CSMD2: variants seen among roughly 807,000 people sequenced by gnomAD.
CSMD2 encodes CUB and sushi domain-containing protein 2.
Under a neutral mutation model 398.5 loss-of-function variants are expected in CSMD2, and 130 were observed. The ratio of observed to expected loss-of-function variants is 0.33; its 90% CI spans 0.28 to 0.38. CSMD2 has a LOEUF of 0.38. CSMD2 is among the 10% of genes least tolerant of loss of function. The pLI, the probability that CSMD2 is intolerant of heterozygous loss-of-function variation, is 1.00. For missense variants in CSMD2, 3,829 were observed against 4,764.9 expected, an observed-to-expected ratio of 0.80 and a Z score of 5.78; for synonymous variants, 1,828 against 1,908.5, an observed-to-expected ratio of 0.96 and a Z score of 1.10.
intron 5 of CSMD2, among the ~76,000 whole-genome samples, chr1:33,861,539 A>T (rs1300045286): frequency 6.6e-6 from 1 of 152,182 alleles, no homozygotes; most frequent in Non-Finnish European, 1.5e-5. Flanking sequence ...CCTTGCAGGC[A>T]TGCTTGCTCT....
intron 64 of CSMD2, among the ~76,000 whole-genome samples, chr1:33,529,912 A>G (rs557511365): frequency 6.6e-6 from 1 of 152,362 alleles, no homozygotes; most frequent in African/African-American, 2.4e-5. Flanking sequence ...ATAGAGAAAG[A>G]ACACTTTCAA....
chr1:34,052,330 G>T (rs1653280953), intron 2 of CSMD2, among the ~76,000 whole-genome samples: 1 of 152,002 alleles, frequency 6.6e-6, no homozygotes, highest in Non-Finnish European at 1.5e-5. Context: ...CATAGTGTTT[G>T]CACTGTGTTA....
chr1:33,888,756 T>TTTTTTTTGTTGTTGTTGTTGTTG (rs1553244524), intron 5 of CSMD2, among the ~76,000 whole-genome samples: 1 of 148,822 alleles, frequency 6.7e-6, no homozygotes, highest in African/African-American at 2.5e-5. Context: ...TCAACTGATT[T>TTTTTTTTGTTGTTGTTGTTGTTG]TTGTTGTTGT....
At chr1:34,165,833 C>G, upstream of CSMD2, 1 of 1,609,370 alleles carries the variant, frequency 6.2e-7, no homozygotes, top group South Asian at 1.1e-5. Context: ...CCTCCTACCC[C>G]ATCCCAGGAG....
chr1:34,004,563 T>C (rs993730302), intron 3 of CSMD2, among the ~76,000 whole-genome samples: 1 of 152,174 alleles, frequency 6.6e-6, no homozygotes, highest in African/African-American at 2.4e-5. Context: ...GTGTCGTCAA[T>C]TTAATTAGGG....
At chr1:33,585,881 T>C (rs1355940992) in intron 46 of CSMD2, among the ~76,000 whole-genome samples, 1 of 152,264 alleles carries the variant, frequency 6.6e-6, no homozygotes, top group Non-Finnish European at 1.5e-5. Context: ...AACTGGTTTA[T>C]GTTATTAACC....
chr1:34,131,326 C>A (rs539844117), intron 1 of CSMD2, among the ~76,000 whole-genome samples: 1 of 152,206 alleles, frequency 6.6e-6, no homozygotes, highest in East Asian at 1.9e-4. Flanking sequence ...GTTCTGTCTG[C>A]TCTATTGGGA....
intron 1 of CSMD2, among the ~76,000 whole-genome samples, chr1:34,123,392 T>G (rs1662397097): frequency 6.6e-6 from 1 of 152,120 alleles, no homozygotes; most frequent in Non-Finnish European, 1.5e-5. Context: ...CCCCTCCCCC[T>G]ACACCTTGCC....
chr1:33,626,427 C>G, intron 33 of CSMD2, 59 bp downstream of exon 33: 1 of 1,256,540 alleles, frequency 8.0e-7, no homozygotes, highest in Non-Finnish European at 1.1e-6. Flanking sequence ...TCCCTTCGAT[C>G]ACGAGTCCCT....
At chr1:33,631,155 G>A (rs651972) in intron 32 of CSMD2, among the ~76,000 whole-genome samples, 8,513 of 152,004 alleles carry the variant, frequency 0.056, 314 homozygotes, top group East Asian at 0.11. Context: ...ACCTGGTACA[G>A]CCGAGTAAAA....
In CSMD2 at chr1:33,987,035, G is replaced by A. The variant is rs139214091; in HGVS notation, c.517+45559C>T. ...GGCCGATGGCACAGCAGGGATGGGG[G>A]CTTAGCCAGGCATTGGAACCCCTCT... On this transcript the variant is annotated intron_variant, in intron 3 of 70. Coordinates refer to ENST00000373381, the MANE Select transcript of CSMD2 (RefSeq NM_001281956.2). Among the ~76,000 whole-genome samples, 99 of 152,216 alleles carry A rather than the reference G, an allele frequency of 6.5e-4. 1 individual carries two copies. Among genetic ancestry groups the A allele is most frequent in the African/African-American group, 2.0e-3 (84 of 41,534 alleles).
intron 44 of CSMD2, among the ~76,000 whole-genome samples, chr1:33,589,243 A>G (rs942721473): frequency 6.6e-6 from 1 of 152,144 alleles, no homozygotes; most frequent in African/African-American, 2.4e-5. Context: ...AATGGTTCCC[A>G]TTGATACTGT....
chr1:33,802,706 A>G (rs1186145764), intron 10 of CSMD2, among the ~76,000 whole-genome samples: 1 of 152,154 alleles, frequency 6.6e-6, no homozygotes, highest in Non-Finnish European at 1.5e-5. Flanking sequence ...AGCTCCTTCT[A>G]ACAACAGCAT....
intron 6 of CSMD2, among the ~76,000 whole-genome samples, chr1:33,830,234 C>T (rs1398642691): frequency 8.5e-5 from 13 of 152,310 alleles, no homozygotes; most frequent in Non-Finnish European, 1.3e-4. Context: ...CCTTGACCCC[C>T]GAGCAGCCTA....
intron 10 of CSMD2, 92 bp from the exon 11 acceptor site, chr1:33,792,618 C>T (rs1654463001): frequency 2.5e-6 from 2 of 816,022 alleles, no homozygotes; most frequent in South Asian, 2.8e-5. Flanking sequence ...GTGTTATGTC[C>T]CAATGCTCAG....
intron 25 of CSMD2, among the ~76,000 whole-genome samples, chr1:33,685,178 C>T (rs548580189): frequency 2.4e-4 from 37 of 152,278 alleles, no homozygotes; most frequent in African/African-American, 7.9e-4. Context: ...CTGCGGCAGC[C>T]AACTAGGTAG....
intron 37 of CSMD2, among the ~76,000 whole-genome samples, chr1:33,621,524 A>C (rs991273182): frequency 3.3e-5 from 5 of 152,186 alleles, no homozygotes; most frequent in African/African-American, 1.2e-4. Flanking sequence ...ATGCTCAATA[A>C]ATATTTGCCG....
chr1:33,939,407 G>A (rs922109364), intron 3 of CSMD2, among the ~76,000 whole-genome samples: 2 of 152,276 alleles, frequency 1.3e-5, no homozygotes, highest in South Asian at 4.1e-4. Context: ...GGTGGGAAGG[G>A]CAGGTCAGGT....
At chr1:34,138,739 AACAATTTACACCCCT>A (rs1341207978) in intron 1 of CSMD2, among the ~76,000 whole-genome samples, 2 of 152,320 alleles carry the variant, frequency 1.3e-5, no homozygotes, top group Non-Finnish European at 1.5e-5. Flanking sequence ...GCAAGTTTGT[AACAATTTACACCCCT>A]ACAGGCAGTT....
Sources: gnomAD v4.1 joint callset for allele counts (sites outside exome capture counted in the v4.1 genomes callset) on GRCh38, gnomAD v4.1.1 for gene constraint, MANE v1.5 for transcripts, NCBI Gene and HGNC (gene_info 2026-07-23, HGNC 2026-07-21) for gene names.